Variants in CLYBL observed in about 807,000 individuals in gnomAD.
CLYBL encodes the protein citramalyl-CoA lyase.
A neutral mutation model predicts 38.9 loss-of-function variants in CLYBL; 31 were observed. The observed-to-expected ratio is 0.80, with a 90% CI of 0.60 to 1.08. The LOEUF (loss-of-function observed/expected upper bound fraction) is 1.08. Among genes scored for constraint, CLYBL ranks in the 50% least tolerant of loss-of-function variants. The pLI, the probability that CLYBL is intolerant of heterozygous loss-of-function variation, is 0.00. For missense variants in CLYBL, 434 were observed against 411.6 expected (o/e 1.05, Z -0.47); for synonymous variants, 171 against 158.6 (o/e 1.08, Z -0.59).
intron 1 of CLYBL, among the ~76,000 whole-genome samples, chr13:99,748,865 G>A (rs1395809556): frequency 2.0e-5 from 3 of 152,108 alleles, no homozygotes; most frequent in African/African-American, 7.2e-5. Flanking sequence ...TTTTTGACAT[G>A]GATGCTTGTT....
Position 99,606,692 on chromosome 13 carries a change from G to A in CLYBL, c.-4G>A. 2 of 1,489,866 alleles carry A rather than the reference G, an allele frequency of 1.3e-6. No individual in the cohort carries two copies. Among genetic ancestry groups the A allele is most frequent in the Non-Finnish European group, 1.8e-6 (2 of 1,126,144 alleles). The allele number at this position is 1,489,866 out of a possible 1,614,324, so 92.3% of individuals were successfully genotyped here. On this transcript the variant is annotated 5_prime_UTR_variant, in exon 1 of 9. Transcript: ENST00000339105. ...GCAAAGGGCGGGGCGCGCGCGTCGG[G>A]AAGATGGCGCTACGTCTGCTGCGGA...
intron 2 of CLYBL, among the ~76,000 whole-genome samples, chr13:99,840,331 G>T (rs2051040907): frequency 6.6e-6 from 1 of 151,712 alleles, no homozygotes. Context: ...ACATATGCAG[G>T]CCAGGCACGG....
chr13:99,621,271 C>A (rs1188723976), intron 1 of CLYBL, among the ~76,000 whole-genome samples: 1 of 152,086 alleles, frequency 6.6e-6, no homozygotes, highest in African/African-American at 2.4e-5. Context: ...ATGTACGCAC[C>A]TCCTCACCTA....
intron 1 of CLYBL, among the ~76,000 whole-genome samples, chr13:99,725,098 A>G (rs544473001): frequency 4.8e-4 from 73 of 152,332 alleles, no homozygotes; most frequent in African/African-American, 1.5e-3. Flanking sequence ...CTACTTGGCT[A>G]TGGGGAAGAG....
intron 2 of CLYBL, among the ~76,000 whole-genome samples, chr13:99,801,716 A>G (rs994673066): frequency 6.6e-6 from 1 of 152,186 alleles, no homozygotes; most frequent in Non-Finnish European, 1.5e-5. Flanking sequence ...GTTGATAGAA[A>G]CACCTAGTAA....
intron 2 of CLYBL, among the ~76,000 whole-genome samples, chr13:99,795,089 T>C (rs958778852): frequency 6.6e-6 from 1 of 152,184 alleles, no homozygotes; most frequent in Admixed American, 6.5e-5. Context: ...GGTGTTTTGC[T>C]GATAACAGAG....
intron 1 of CLYBL, among the ~76,000 whole-genome samples, chr13:99,669,351 G>A (rs944131039): frequency 2.6e-5 from 4 of 152,120 alleles, no homozygotes; most frequent in African/African-American, 4.8e-5. Flanking sequence ...ATGGAGACAC[G>A]TGAAGAACAT....
In CLYBL at chr13:99,635,205, G is replaced by A. The variant is rs184648855; in HGVS notation, c.62+28448G>A. 1.5e-3 allele frequency among the ~76,000 whole-genome samples: 223 copies of A among 152,080 alleles called. 1 individual carries two copies. The highest frequency in any genetic ancestry group is 1.2e-3 in the East Asian group (6 of 5,150). Reference sequence around the variant, plus strand: ...CCCAGGTACGTTTCATTAGGTCTTCGTAATGAAATGTACCTGGGGGTCATT... The same window carrying A: ...CCCAGGTACGTTTCATTAGGTCTTCATAATGAAATGTACCTGGGGGTCATT... On this transcript the variant is annotated intron_variant, in intron 1 of 8. Coordinates refer to ENST00000339105, the MANE Select transcript of CLYBL (RefSeq NM_206808.5).
At chr13:99,753,271 C>T (rs953305303) in intron 1 of CLYBL, among the ~76,000 whole-genome samples, 12 of 152,014 alleles carry the variant, frequency 7.9e-5, no homozygotes, top group African/African-American at 2.7e-4. Context: ...AATGTGAGAA[C>T]ACTGGGAAGC....
intron 2 of CLYBL, among the ~76,000 whole-genome samples, chr13:99,818,343 C>G (rs941637192): frequency 3.9e-5 from 6 of 152,012 alleles, no homozygotes; most frequent in Non-Finnish European, 8.8e-5. Flanking sequence ...GTTCTTTCTC[C>G]GTCCTCGGGT....
intron 2 of CLYBL, among the ~76,000 whole-genome samples, chr13:99,789,915 GTCT>G (rs1442532807): frequency 1.3e-5 from 2 of 152,020 alleles, no homozygotes; most frequent in Non-Finnish European, 2.9e-5. Context: ...AAGATAGTTA[GTCT>G]TCTTATTAAA....
Position 99,869,328 on chromosome 13 carries a change from T to C in CLYBL, c.803-1610T>C, listed in dbSNP as rs958789830. Among the ~76,000 whole-genome samples, 1 of 152,186 alleles carries C rather than the reference T, an allele frequency of 6.6e-6. No homozygotes were observed. Among genetic ancestry groups the C allele is most frequent in the African/African-American group, 2.4e-5 (1 of 41,458 alleles). ...GCTTTTTACGCATTGGTGTAAATTATGTACATAAATTATGAAATTCAGGGC... is the reference window on the plus strand; with the variant it reads ...GCTTTTTACGCATTGGTGTAAATTACGTACATAAATTATGAAATTCAGGGC... On this transcript the variant is annotated intron_variant, in intron 6 of 8. Coordinates refer to ENST00000339105, the MANE Select transcript of CLYBL (RefSeq NM_206808.5). The surrounding 1 kb of genome is among the most constrained non-coding windows in gnomAD (Gnocchi z 4.3).
chr13:99,678,951 T>C (rs2047692621), intron 1 of CLYBL, among the ~76,000 whole-genome samples: 1 of 152,170 alleles, frequency 6.6e-6, no homozygotes, highest in African/African-American at 2.4e-5. Flanking sequence ...ATTGTTTCTC[T>C]CACTCAAAAT....
intron 1 of CLYBL, among the ~76,000 whole-genome samples, chr13:99,659,214 G>GTATA (rs1377232578): frequency 6.6e-6 from 1 of 151,450 alleles, no homozygotes; most frequent in African/African-American, 2.4e-5. Context: ...GTGTGTGTGT[G>GTATA]TGTATATATA....
intron 2 of CLYBL, among the ~76,000 whole-genome samples, chr13:99,808,421 C>CTT (rs1174779428): frequency 6.6e-6 from 1 of 152,072 alleles, no homozygotes; most frequent in Non-Finnish European, 1.5e-5. Context: ...CACCTGAGCC[C>CTT]TTTGTGCTGG....
intron 1 of CLYBL, among the ~76,000 whole-genome samples, chr13:99,759,399 C>T (rs2049124884): frequency 6.6e-6 from 1 of 152,124 alleles, no homozygotes; most frequent in African/African-American, 2.4e-5. Flanking sequence ...TATCTCCTAC[C>T]TGTAGTCACC....
intron 1 of CLYBL, among the ~76,000 whole-genome samples, chr13:99,767,870 TTCC>T (rs2049298635): frequency 6.6e-6 from 1 of 152,238 alleles, no homozygotes; most frequent in African/African-American, 2.4e-5. Context: ...CCTTCACTTC[TTCC>T]TTTAGTTCTT....
chr13:99,683,003 G>A (rs1466080814), intron 1 of CLYBL, among the ~76,000 whole-genome samples: 1 of 151,536 alleles, frequency 6.6e-6, no homozygotes, highest in African/African-American at 2.4e-5. Flanking sequence ...CTCCCAAAGT[G>A]CTGGGATTAC....
At chr13:99,901,635 GGATT>G (rs2052643078), downstream of CLYBL, among the ~76,000 whole-genome samples, 1 of 96,096 alleles carries the variant, frequency 1.0e-5, no homozygotes, top group African/African-American at 4.0e-5. Context: ...TTGGTTTTTT[GGATT>G]TTTTTGTTTT....
Sources: allele counts gnomAD v4.1 joint callset (sites outside exome capture counted in the v4.1 genomes callset), GRCh38; gene constraint gnomAD v4.1.1; non-coding constraint Gnocchi (gnomAD v3.1); transcripts MANE v1.5; gene names NCBI Gene and HGNC (gene_info 2026-07-23, HGNC 2026-07-21).